GLS: variants seen among roughly 807,000 people sequenced by gnomAD.
GLS encodes the protein glutaminase kidney isoform, mitochondrial.
Under a neutral mutation model 86.7 loss-of-function variants are expected in GLS, and 36 were observed. That is an observed-to-expected ratio of 0.42 (90% confidence interval 0.32 to 0.55). The LOEUF (loss-of-function observed/expected upper bound fraction) is 0.55. GLS is among the 20% of genes least tolerant of loss of function. The pLI is 0.17. For missense variants in GLS, 528 were observed against 833.4 expected, an observed-to-expected ratio of 0.63 and a Z score of 4.51; for synonymous variants, 317 against 305.9, an observed-to-expected ratio of 1.04 and a Z score of -0.38.
chr2:190,883,444 A>G (rs1442968177), intron 1 of GLS, among the ~76,000 whole-genome samples: 1 of 152,242 alleles, frequency 6.6e-6, no homozygotes, highest in East Asian at 1.9e-4. Flanking sequence ...GCACTCACTC[A>G]GGACTGTGCC....
intron 14 of GLS, among the ~76,000 whole-genome samples, chr2:190,946,261 C>T (rs558413180): frequency 2.0e-5 from 3 of 152,078 alleles, no homozygotes; most frequent in Non-Finnish European, 4.4e-5. Context: ...GGTAGTATGC[C>T]TCAATTTGAC....
In GLS at chr2:190,920,895, A is replaced by G. The variant is rs1689708505; in HGVS notation, c.1039-129A>G. On this transcript the variant is annotated intron_variant, in intron 7 of 17. Transcript: ENST00000320717. The surrounding 1 kb of genome is among the most constrained non-coding windows in gnomAD (Gnocchi z 4.2). Reference sequence around the variant, plus strand: ...TATATAAATGTTAAATTACTTTAGAACTATTTCCTAGATTTAAAAATACTA... The same window carrying G: ...TATATAAATGTTAAATTACTTTAGAGCTATTTCCTAGATTTAAAAATACTA... 1.7e-6 allele frequency: 1 copy of G among 574,184 alleles called. No individual in the cohort carries two copies. Among genetic ancestry groups the G allele is most frequent in the East Asian group, 2.8e-5 (1 of 35,470 alleles). 35.6% of individuals were successfully genotyped at this position (574,184 alleles called of 1,614,324 possible). A position where few individuals can be genotyped will look rare whatever the true frequency, so the allele number is the denominator to read the frequency against.
At chr2:190,886,238 C>T (rs1455632169) in intron 1 of GLS, among the ~76,000 whole-genome samples, 1 of 152,022 alleles carries the variant, frequency 6.6e-6, no homozygotes, top group Non-Finnish European at 1.5e-5. Flanking sequence ...TTTTTGTGAC[C>T]TAATATTTAT....
chr2:190,947,095 G>A lies in GLS; in HGVS notation c.1651-6470G>A, dbSNP rs568586954. ...ACTATATAAATACAGAGTAATGTGA[G>A]TATATAATTCTAATAATTGCTACTT... On this transcript the variant is annotated intron_variant, in intron 14 of 17. Coordinates refer to ENST00000320717, the MANE Select transcript of GLS (RefSeq NM_014905.5). This position sits in a 1 kb window ranked among gnomAD's most constrained non-coding sequence, Gnocchi z 5.0. Among the ~76,000 whole-genome samples the A allele has an allele frequency of 6.6e-6, 1 of 152,256 alleles. No homozygotes were observed. Among genetic ancestry groups the A allele is most frequent in the Non-Finnish European group, 1.5e-5 (1 of 68,024 alleles).
At chr2:190,959,375 A>G (rs1385859457) in intron 17 of GLS, among the ~76,000 whole-genome samples, 1 of 151,830 alleles carries the variant, frequency 6.6e-6, no homozygotes, top group East Asian at 1.9e-4. Context: ...ACTCTATCCA[A>G]TTTGCCATTC....
intron 1 of GLS, among the ~76,000 whole-genome samples, chr2:190,888,492 A>G (rs556274776): frequency 6.6e-6 from 1 of 152,346 alleles, no homozygotes; most frequent in South Asian, 2.1e-4. Context: ...ATGCTGTAAG[A>G]CAAGTGCTGG....
Position 190,905,345 on chromosome 2 carries a change from C to T in GLS, c.979+178C>T, listed in dbSNP as rs1205388264. 1.9e-6 allele frequency: 1 copy of T among 530,430 alleles called. No individual in the cohort carries two copies. Among genetic ancestry groups the T allele is most frequent in the Non-Finnish European group, 3.3e-6 (1 of 300,180 alleles). The allele number at this position is 530,430 out of a possible 1,614,324, so 32.9% of individuals were successfully genotyped here. A position where few individuals can be genotyped will look rare whatever the true frequency, so the allele number is the denominator to read the frequency against. On this transcript the variant is annotated intron_variant, in intron 6 of 17. Coordinates refer to ENST00000320717, the MANE Select transcript of GLS (RefSeq NM_014905.5). The surrounding 1 kb of genome is among the most constrained non-coding windows in gnomAD (Gnocchi z 4.6). The stretch of plus-strand genomic sequence containing the variant: ...AAATGATTATTTTAGGCATCTCATA[C>T]CACTGGGAAGTGGGCTAGGGAGAAC...
intron 5 of GLS, among the ~76,000 whole-genome samples, chr2:190,903,947 A>AT (rs1689042578): frequency 6.6e-6 from 1 of 152,152 alleles, no homozygotes; most frequent in African/African-American, 2.4e-5. Context: ...TAAATCAAAG[A>AT]TCTCTGCCTT....
At chr2:190,908,744 G>A (rs1378640171) in intron 6 of GLS, among the ~76,000 whole-genome samples, 2 of 152,194 alleles carry the variant, frequency 1.3e-5, no homozygotes, top group Non-Finnish European at 2.9e-5. Flanking sequence ...TCTCTCTGGC[G>A]GGTTTCCGGA....
intron 14 of GLS, among the ~76,000 whole-genome samples, chr2:190,936,504 G>A (rs1159865919): frequency 6.6e-6 from 1 of 150,958 alleles, no homozygotes; most frequent in Non-Finnish European, 1.5e-5. Flanking sequence ...TGACACAAAA[G>A]AACCCCTAAA....
intron 14 of GLS, among the ~76,000 whole-genome samples, chr2:190,948,663 G>C (rs544576170): frequency 2.8e-4 from 42 of 152,292 alleles, no homozygotes; most frequent in African/African-American, 8.9e-4. Context: ...GGGGAATTTG[G>C]ATTTTTCTTA....
In GLS at chr2:190,920,937, T is replaced by A; in HGVS notation, c.1039-87T>A. On this transcript the variant is annotated intron_variant, in intron 7 of 17. Transcript: ENST00000320717. The surrounding 1 kb of genome is among the most constrained non-coding windows in gnomAD (Gnocchi z 4.2). Reference sequence around the variant, plus strand: ...AAAATACTAATGCAGTATATTATAATAGTAGCTTTGAAATTTTGATATTGG... The same window carrying A: ...AAAATACTAATGCAGTATATTATAAAAGTAGCTTTGAAATTTTGATATTGG... The A allele has an allele frequency of 1.4e-6, 1 of 707,380 alleles. No individual in the cohort carries two copies. Among genetic ancestry groups the A allele is most frequent in the Non-Finnish European group, 2.6e-6 (1 of 388,600 alleles). 43.8% of individuals were successfully genotyped at this position (707,380 alleles called of 1,614,324 possible).
At position 190,949,992 on chromosome 2, in the gene GLS, AC is replaced by A. The variant is rs1183308031; in HGVS notation, c.1651-3572del. On this transcript the variant is annotated intron_variant, in intron 14 of 17. Transcript: ENST00000320717. This position sits in a 1 kb window ranked among gnomAD's most constrained non-coding sequence, Gnocchi z 4.0. ...AGTTAAAAAGGATATAGTTAACAAT[AC>A]AATATATATATATATATGAAGGGGA... Among the ~76,000 whole-genome samples, 16 of 150,316 alleles carry A rather than the reference AC, an allele frequency of 1.1e-4. No individual in the cohort carries two copies. The highest frequency in any genetic ancestry group is 3.7e-4 in the African/African-American group (15 of 40,886).
rs745905955 is a variant in GLS at position 190,962,925 on chromosome 2, G to C, written c.1949G>C (p.Gly650Ala). The change falls in exon 18 of 18, where the codon GGA becomes GCA. Residue 650 changes from glycine to alanine, a missense_variant. By Grantham distance (60) the Gly-to-Ala change is moderately conservative. Coordinates refer to ENST00000320717, the MANE Select transcript of GLS (RefSeq NM_014905.5). This position sits in a 1 kb window ranked among gnomAD's most constrained non-coding sequence, Gnocchi z 4.2. ...TACCAAGTCCAGTACACACCTCAAGGAGATTCTGACAACGGGAAGGAAAAT... is the reference window on the plus strand; with the variant it reads ...TACCAAGTCCAGTACACACCTCAAGCAGATTCTGACAACGGGAAGGAAAAT... ...QEYQVQYTPQ[G>A]DSDNGKENQT... The C allele has an allele frequency of 6.2e-7, 1 of 1,610,456 alleles. No individual in the cohort carries two copies. Among genetic ancestry groups the C allele is most frequent in the South Asian group, 1.1e-5 (1 of 90,568 alleles).
rs1446225971 is a variant in GLS, at chr2:190,953,928, C to T, written c.1712+302C>T. 2.7e-5 allele frequency among the ~76,000 whole-genome samples: 4 copies of T among 149,012 alleles called. No individual in the cohort carries two copies. On this transcript the variant is annotated intron_variant, in intron 15 of 17. Coordinates refer to ENST00000320717, the MANE Select transcript of GLS (RefSeq NM_014905.5). This position sits in a 1 kb window ranked among gnomAD's most constrained non-coding sequence, Gnocchi z 4.0. ...ACAGTGCCTTCTCACTCCCTGTCTA[C>T]CCTCCATTCCCAATCTTTGATATGT...
intron 14 of GLS, among the ~76,000 whole-genome samples, chr2:190,944,073 AC>A (rs1310864692): frequency 6.6e-6 from 1 of 152,092 alleles, no homozygotes; most frequent in Non-Finnish European, 1.5e-5. Flanking sequence ...GAATGCTAAA[AC>A]CGTGTTGTTT....
chr2:190,893,410 C>A (rs535585421), intron 1 of GLS, among the ~76,000 whole-genome samples: 2 of 152,178 alleles, frequency 1.3e-5, no homozygotes, highest in East Asian at 3.9e-4. Flanking sequence ...GAACAAATAA[C>A]AAATTTGTTG....
At position 190,955,683 on chromosome 2, in the gene GLS, A is replaced by G. The variant is rs1021221630; in HGVS notation, c.1853+865A>G. On this transcript the variant is annotated intron_variant, in intron 17 of 17. Coordinates refer to ENST00000320717, the MANE Select transcript of GLS (RefSeq NM_014905.5). This position sits in a 1 kb window ranked among gnomAD's most constrained non-coding sequence, Gnocchi z 5.6. Reference sequence around the variant, plus strand: ...TGGATCAAATGGTATTTCTGGTTCTAGATCCTTGAGGAATCACCACACTGT... The same window carrying G: ...TGGATCAAATGGTATTTCTGGTTCTGGATCCTTGAGGAATCACCACACTGT... 1.2e-4 allele frequency among the ~76,000 whole-genome samples: 18 copies of G among 152,226 alleles called. No homozygotes were observed. The highest frequency in any genetic ancestry group is 2.9e-5 in the Non-Finnish European group (2 of 68,038).
Position 190,953,693 on chromosome 2 carries a change from C to A in GLS, c.1712+67C>A. The A allele has an allele frequency of 9.1e-7, 1 of 1,098,878 alleles. No individual in the cohort carries two copies. The highest frequency in any genetic ancestry group is 1.5e-5 in the African/African-American group (1 of 64,912). The allele number at this position is 1,098,878 out of a possible 1,614,324, so 68.1% of individuals were successfully genotyped here. On this transcript the variant is annotated intron_variant, in intron 15 of 17. Coordinates refer to ENST00000320717, the MANE Select transcript of GLS (RefSeq NM_014905.5). This position sits in a 1 kb window ranked among gnomAD's most constrained non-coding sequence, Gnocchi z 4.0. ...TATGAAGTTGCTTCTGGGCGAGCAG[C>A]CATTTTAAGGTTAAAGTCTCACTTT... is the stretch of plus-strand genomic sequence containing the variant.
Sources: allele counts gnomAD v4.1 joint callset (sites outside exome capture counted in the v4.1 genomes callset), GRCh38; gene constraint gnomAD v4.1.1; non-coding constraint Gnocchi (gnomAD v3.1); transcripts MANE v1.5; gene names NCBI Gene and HGNC (gene_info 2026-07-23, HGNC 2026-07-21).